Variants in LOC400499 observed in about 807,000 individuals in gnomAD.
At chr16:11,392,872 G>T in the LOC400499 span, 2 of 899,426 alleles carry the variant, frequency 2.2e-6, no homozygotes, top group Non-Finnish European at 2.7e-6. Flanking sequence ...TTTACTTTTT[G>T]AGACAGAGTC....
chr16:11,482,190 A>T, the LOC400499 span, among the ~76,000 whole-genome samples: 3 of 152,164 alleles, frequency 2.0e-5, no homozygotes, highest in African/African-American at 7.2e-5. Context: ...ACCCCAAGAG[A>T]TGTAAACAAG....
chr16:11,391,782 G>A, the LOC400499 span: 20 of 1,232,068 alleles, frequency 1.6e-5, no homozygotes, highest in South Asian at 4.1e-5. Context: ...CCAACCACTC[G>A]CCTGCATGGC....
the LOC400499 span, among the ~76,000 whole-genome samples, chr16:11,445,981 T>C: frequency 1.3e-5 from 2 of 151,578 alleles, no homozygotes; most frequent in Non-Finnish European, 2.9e-5. Flanking sequence ...CCTACCACCA[T>C]GCCCATCTAG....
At chr16:11,511,899 C>G in the LOC400499 span, among the ~76,000 whole-genome samples, 1 of 152,054 alleles carries the variant, frequency 6.6e-6, no homozygotes, top group Admixed American at 6.6e-5. Flanking sequence ...TGGTGGCGCA[C>G]AGCTGTACTG....
the LOC400499 span, among the ~76,000 whole-genome samples, chr16:11,495,324 G>C: frequency 6.6e-6 from 1 of 151,988 alleles, no homozygotes; most frequent in African/African-American, 2.4e-5. Flanking sequence ...AAACAGGAGG[G>C]GGTTCAGGAC....
At chr16:11,455,679 G>C in the LOC400499 span, among the ~76,000 whole-genome samples, 1 of 149,136 alleles carries the variant, frequency 6.7e-6, no homozygotes, top group Non-Finnish European at 1.5e-5. Context: ...AGGTTGCAGT[G>C]AGCCGAGATC....
chr16:11,402,165 G>T, the LOC400499 span: 1 of 399,104 alleles, frequency 2.5e-6, no homozygotes, highest in Non-Finnish European at 4.4e-6. Context: ...TCCACTGGGT[G>T]GGTGAGGACA....
At chr16:11,420,660 T>A in the LOC400499 span, among the ~76,000 whole-genome samples, 10 of 131,160 alleles carry the variant, frequency 7.6e-5, no homozygotes, top group African/African-American at 2.5e-4. Flanking sequence ...TACCACAATT[T>A]CGAAGGAGCT....
the LOC400499 span, chr16:11,383,671 A>C: frequency 8.1e-7 from 1 of 1,232,288 alleles, no homozygotes; most frequent in Non-Finnish European, 1.0e-6. Flanking sequence ...CAGGGGTACG[A>C]ATCCACGGGC....
At chr16:11,376,758 G>C in the LOC400499 span, among the ~76,000 whole-genome samples, 1 of 152,078 alleles carries the variant, frequency 6.6e-6, no homozygotes, top group African/African-American at 2.4e-5. Context: ...TAGCAATTAC[G>C]CTAAACCTGT....
chr16:11,505,050 G>A, the LOC400499 span, among the ~76,000 whole-genome samples: 6 of 152,048 alleles, frequency 3.9e-5, no homozygotes, highest in East Asian at 3.9e-4. Flanking sequence ...GGCAGGGGCC[G>A]GTGGCCGCAT....
the LOC400499 span, among the ~76,000 whole-genome samples, chr16:11,490,885 A>T: frequency 3.3e-5 from 5 of 152,218 alleles, no homozygotes; most frequent in African/African-American, 9.6e-5. Flanking sequence ...GGGAAGAGGA[A>T]GGAAGACTAA....
the LOC400499 span, chr16:11,441,022 G>A: frequency 3.0e-5 from 12 of 399,080 alleles, no homozygotes; most frequent in East Asian, 4.3e-4. Flanking sequence ...CCCTTCAAGT[G>A]CAGGACAACT....
At chr16:11,508,277 A>G in the LOC400499 span, among the ~76,000 whole-genome samples, 2 of 152,206 alleles carry the variant, frequency 1.3e-5, no homozygotes, top group East Asian at 3.9e-4. Context: ...TCACCAACGA[A>G]GGAACTGGCC....
the LOC400499 span, chr16:11,448,179 C>G: frequency 2.2e-6 from 3 of 1,356,108 alleles, no homozygotes; most frequent in Non-Finnish European, 2.9e-6. Flanking sequence ...GCCCATCACC[C>G]CCAGAAATGA....
At chr16:11,470,379 G>A in the LOC400499 span, among the ~76,000 whole-genome samples, 1 of 152,142 alleles carries the variant, frequency 6.6e-6, no homozygotes, top group African/African-American at 2.4e-5. Flanking sequence ...TCGTGCTCTG[G>A]GGCTCCCTGT....
At chr16:11,501,692 G>A in the LOC400499 span, among the ~76,000 whole-genome samples, 3 of 152,044 alleles carry the variant, frequency 2.0e-5, no homozygotes, top group African/African-American at 7.2e-5. Flanking sequence ...TCTGGGTGGT[G>A]GAATGCCGGC....
At chr16:11,404,548 T>C in the LOC400499 span, among the ~76,000 whole-genome samples, 1 of 152,204 alleles carries the variant, frequency 6.6e-6, no homozygotes, top group South Asian at 2.1e-4. Context: ...GGTTTCACCA[T>C]GTTGGCCAGG....
the LOC400499 span, chr16:11,414,249 C>A: frequency 2.5e-6 from 1 of 398,910 alleles, no homozygotes; most frequent in East Asian, 3.6e-5. Context: ...TGGTCCTCCC[C>A]ACCCACCCTG....
Sources: gnomAD v4.1 joint callset for allele counts (sites outside exome capture counted in the v4.1 genomes callset) on GRCh38, gnomAD v4.1.1 for gene constraint, MANE v1.5 for transcripts.